Variants in KIF26B observed in about 807,000 individuals in gnomAD.
KIF26B encodes the protein kinesin family member 26B.
In KIF26B, 63 loss-of-function variants were observed where a neutral mutation model predicts 151.2. The observed-to-expected ratio is 0.42, with a 90% CI of 0.34 to 0.51. The LOEUF (loss-of-function observed/expected upper bound fraction) is 0.51, where lower values mean the gene tolerates loss of function less well. KIF26B is among the 20% of genes least tolerant of loss of function. KIF26B has a pLI of 0.07. For missense variants in KIF26B, 2,813 were observed against 2,913.6 expected (o/e 0.97, Z 0.79); for synonymous variants, 1,357 against 1,262.1 (o/e 1.08, Z -1.59).
intron 2 of KIF26B, among the ~76,000 whole-genome samples, chr1:245,242,638 A>C (rs113062581): frequency 1.5e-5 from 2 of 133,590 alleles, no homozygotes; most frequent in East Asian, 4.0e-4. Context: ...TTGTATATAT[A>C]TGTGGTTTTT....
At chr1:245,555,061 G>A (rs1175230281) in intron 5 of KIF26B, among the ~76,000 whole-genome samples, 2 of 152,104 alleles carry the variant, frequency 1.3e-5, no homozygotes, top group African/African-American at 4.8e-5. Context: ...GGCGTTCTTT[G>A]TTTTGCCTTT....
At chr1:245,443,506 C>T (rs111415248) in intron 4 of KIF26B, among the ~76,000 whole-genome samples, 1 of 102,794 alleles carries the variant, frequency 9.7e-6, no homozygotes, top group African/African-American at 3.2e-5. Context: ...GGTCATCTCC[C>T]TCACTGTTCA....
chr1:245,334,148 C>T (rs965283661), intron 2 of KIF26B, among the ~76,000 whole-genome samples: 1 of 152,190 alleles, frequency 6.6e-6, no homozygotes, highest in Non-Finnish European at 1.5e-5. Context: ...GTGGGAGCAG[C>T]AATGGCCTCT....
chr1:245,182,952 A>G (rs1165409207), intron 2 of KIF26B, among the ~76,000 whole-genome samples: 2 of 152,200 alleles, frequency 1.3e-5, no homozygotes, highest in African/African-American at 2.4e-5. Context: ...AGAAACTTCC[A>G]AACTCTTTTC....
intron 2 of KIF26B, among the ~76,000 whole-genome samples, chr1:245,256,690 G>A (rs115123329): frequency 0.014 from 2,056 of 152,244 alleles, 38 homozygotes; most frequent in African/African-American, 0.037. Context: ...GCTGTGGGAC[G>A]TGCCTCCATT....
At chr1:245,324,226 A>G (rs1020689232) in intron 2 of KIF26B, among the ~76,000 whole-genome samples, 67 of 152,030 alleles carry the variant, frequency 4.4e-4, no homozygotes, top group African/African-American at 1.5e-3. Flanking sequence ...GGTGGAGTTG[A>G]TGTGGGTTCT....
intron 2 of KIF26B, among the ~76,000 whole-genome samples, chr1:245,196,967 C>A (rs1192498052): frequency 6.6e-6 from 1 of 152,052 alleles, no homozygotes; most frequent in Admixed American, 6.6e-5. Flanking sequence ...CGGTGTTTGG[C>A]GGAAGAACAA....
chr1:245,361,821 CTG>C (rs1672825420), intron 2 of KIF26B, among the ~76,000 whole-genome samples: 2 of 152,186 alleles, frequency 1.3e-5, no homozygotes, highest in Admixed American at 1.3e-4. Context: ...CCAGAATGCG[CTG>C]TGCTTGTGTC....
chr1:245,361,341 T>G (rs1290215933), intron 2 of KIF26B, among the ~76,000 whole-genome samples: 1 of 152,228 alleles, frequency 6.6e-6, no homozygotes, highest in African/African-American at 2.4e-5. Context: ...GTAATTTGGT[T>G]TCTTATGTAG....
chr1:245,317,106 A>G (rs1423945618), intron 2 of KIF26B, among the ~76,000 whole-genome samples: 1 of 152,228 alleles, frequency 6.6e-6, no homozygotes, highest in African/African-American at 2.4e-5. Flanking sequence ...GTTCAACAAG[A>G]GGAAAATAAA....
rs117091897 is a variant in KIF26B at position 245,461,235 on chromosome 1, C to T, written c.1166+41490C>T. ...AGAAGCCTGGGTGACCTAGGGCTGACGTGGTAGAATCCAGACTGATTCTGC... is the reference window on the plus strand; with the variant it reads ...AGAAGCCTGGGTGACCTAGGGCTGATGTGGTAGAATCCAGACTGATTCTGC... On this transcript the variant is annotated intron_variant, in intron 4 of 14. Coordinates refer to ENST00000407071, the MANE Select transcript of KIF26B (RefSeq NM_018012.4). 6.4e-4 allele frequency among the ~76,000 whole-genome samples: 97 copies of T among 152,214 alleles called. 1 individual carries two copies. In the East Asian group the frequency reaches 8.7e-3, roughly 14 times the overall value.
intron 9 of KIF26B, among the ~76,000 whole-genome samples, chr1:245,617,272 T>A (rs998821395): frequency 4.6e-5 from 7 of 152,074 alleles, no homozygotes; most frequent in Non-Finnish European, 8.8e-5. Flanking sequence ...AATTTTTGTG[T>A]TTTTTAGTAG....
chr1:245,411,548 C>G (rs1069231), intron 3 of KIF26B, among the ~76,000 whole-genome samples: 93,427 of 151,926 alleles, frequency 0.61, 29,383 homozygotes, highest in Non-Finnish European at 0.68. Context: ...TTCACCTCGC[C>G]GGGGGAGTGG....
intron 9 of KIF26B, among the ~76,000 whole-genome samples, chr1:245,634,046 T>G (rs60923686): frequency 6.6e-6 from 1 of 152,342 alleles, no homozygotes; most frequent in East Asian, 1.9e-4. Context: ...ACTCCTGGCC[T>G]TAAGTGATCC....
chr1:245,556,704 T>TTTG (rs576135354), intron 5 of KIF26B, among the ~76,000 whole-genome samples: 1 of 150,612 alleles, frequency 6.6e-6, no homozygotes, highest in South Asian at 2.1e-4. Context: ...ATCTGGTGTT[T>TTTG]TTGTTGTTGT....
intron 2 of KIF26B, among the ~76,000 whole-genome samples, chr1:245,276,097 T>G (rs1168748870): frequency 6.6e-6 from 1 of 152,054 alleles, no homozygotes; most frequent in Non-Finnish European, 1.5e-5. Flanking sequence ...ATCCCAGCAC[T>G]CTGGGAGGCT....
At chr1:245,253,088 C>CA (rs1169287545) in intron 2 of KIF26B, among the ~76,000 whole-genome samples, 3 of 149,660 alleles carry the variant, frequency 2.0e-5, no homozygotes, top group Non-Finnish European at 4.4e-5. Flanking sequence ...CGGCTCACTG[C>CA]AACTTCCACC....
chr1:245,436,522 G>A lies in KIF26B; in HGVS notation c.1166+16777G>A, dbSNP rs542204608. Among the ~76,000 whole-genome samples, 23 of 152,310 alleles carry A rather than the reference G, an allele frequency of 1.5e-4. 1 individual carries two copies. The highest frequency in any genetic ancestry group is 1.2e-3 in the South Asian group (6 of 4,822). On this transcript the variant is annotated intron_variant, in intron 4 of 14. Transcript: ENST00000407071. ...CGTGGGGGTTGGCAAGTCCAAAATC[G>A]GCATGGCTGGAGATTCCAGCAGGAG...
In KIF26B at chr1:245,703,928, A is replaced by C. The variant is rs975446611; in HGVS notation, c.*1322A>C. On this transcript the variant is annotated 3_prime_UTR_variant, in exon 15 of 15. Transcript: ENST00000407071. The stretch of plus-strand genomic sequence containing the variant: ...GAGCTTCCCCTCCATAACTCACACG[A>C]CCCTGGATAGGCAGAACATAGCTGA... The C allele has an allele frequency of 3.9e-5, 6 of 152,160 alleles. No individual in the cohort carries two copies. Among genetic ancestry groups the C allele is most frequent in the Admixed American group, 3.9e-4 (6 of 15,272 alleles). The allele number at this position is 152,160 out of a possible 1,614,324, so 9.4% of individuals were successfully genotyped here.
Sources: allele counts gnomAD v4.1 joint callset (sites outside exome capture counted in the v4.1 genomes callset), GRCh38; gene constraint gnomAD v4.1.1; transcripts MANE v1.5; gene names NCBI Gene and HGNC (gene_info 2026-07-23, HGNC 2026-07-21).